Variants in GRIA1 observed in about 807,000 individuals in gnomAD.
The protein encoded by GRIA1 is glutamate ionotropic receptor AMPA type subunit 1.
A neutral mutation model predicts 99.2 loss-of-function variants in GRIA1; 31 were observed. The ratio of observed to expected loss-of-function variants is 0.31; its 90% CI spans 0.23 to 0.42. GRIA1 has a LOEUF of 0.42. GRIA1 is among the 10% of genes least tolerant of loss of function. The pLI is 1.00. For synonymous variants in GRIA1, 438 were observed against 432.4 expected, an observed-to-expected ratio of 1.01 and a Z score of -0.16; for missense variants, 782 against 1,157.5, an observed-to-expected ratio of 0.68 and a Z score of 4.71.
At chr5:153,667,738 C>T (rs983594440) in intron 5 of GRIA1, among the ~76,000 whole-genome samples, 10 of 152,082 alleles carry the variant, frequency 6.6e-5, no homozygotes, top group African/African-American at 1.2e-4. Context: ...TCCAATTGCA[C>T]GTGATAATTA....
rs1756922424 is a variant in GRIA1 at position 153,519,304 on chromosome 5, G to C, written c.220+25239G>C. On this transcript the variant is annotated intron_variant, in intron 2 of 15. Transcript: ENST00000285900. Reference sequence around the variant, plus strand: ...AAGAAATGCCAATTCGAGGGTCTCAGGCCGGACCTCCTGAATCAGAAACTT... The same window carrying C: ...AAGAAATGCCAATTCGAGGGTCTCACGCCGGACCTCCTGAATCAGAAACTT... 1.1e-4 allele frequency among the ~76,000 whole-genome samples: 17 copies of C among 152,046 alleles called. 1 individual carries two copies. In the South Asian group the frequency reaches 3.5e-3, roughly 32 times the overall value.
chr5:153,602,533 T>TAATAAAATAA (rs569066151), intron 2 of GRIA1, among the ~76,000 whole-genome samples: 35 of 141,342 alleles, frequency 2.5e-4, no homozygotes, highest in African/African-American at 8.9e-4. Context: ...AGTATAATAA[T>TAATAAAATAA]AATAAAATAA....
intron 2 of GRIA1, among the ~76,000 whole-genome samples, chr5:153,614,178 C>T (rs116134024): frequency 1.2e-3 from 190 of 152,310 alleles, no homozygotes; most frequent in African/African-American, 4.3e-3. Context: ...CACCCTTTCT[C>T]TTCTGACACT....
intron 5 of GRIA1, among the ~76,000 whole-genome samples, chr5:153,672,027 G>A (rs1480239497): frequency 1.3e-5 from 2 of 152,164 alleles, no homozygotes; most frequent in African/African-American, 2.4e-5. Flanking sequence ...AGTACAAGGG[G>A]CTTCTTGGGT....
chr5:153,566,830 C>T (rs1291675751), intron 2 of GRIA1, among the ~76,000 whole-genome samples: 1 of 150,622 alleles, frequency 6.6e-6, no homozygotes, highest in Admixed American at 6.6e-5. Flanking sequence ...GATTCTCCTG[C>T]CTCAGCCTCC....
At chr5:153,732,307 T>G (rs1761092333) in intron 11 of GRIA1, among the ~76,000 whole-genome samples, 1 of 152,122 alleles carries the variant, frequency 6.6e-6, no homozygotes, top group Admixed American at 6.6e-5. Context: ...TCACATTATT[T>G]GCTGTAATGG....
intron 2 of GRIA1, among the ~76,000 whole-genome samples, chr5:153,540,063 G>A (rs558333408): frequency 1.3e-5 from 2 of 152,356 alleles, no homozygotes; most frequent in African/African-American, 4.8e-5. Context: ...TAAGGTTGAA[G>A]GTAGAGATGG....
At chr5:153,626,720 T>G (rs1186773359) in intron 2 of GRIA1, among the ~76,000 whole-genome samples, 1 of 152,086 alleles carries the variant, frequency 6.6e-6, no homozygotes, top group African/African-American at 2.4e-5. Context: ...TGTAGCAAGA[T>G]GTATTATCAT....
intron 2 of GRIA1, among the ~76,000 whole-genome samples, chr5:153,529,929 C>G (rs1429241561): frequency 6.6e-6 from 1 of 152,130 alleles, no homozygotes; most frequent in African/African-American, 2.4e-5. Flanking sequence ...CCTTATTACC[C>G]TGTTCCCTCA....
At chr5:153,705,662 A>ATTTT (rs70978505) in intron 10 of GRIA1, 35 bp from the exon 11 acceptor site, 19,789 of 750,504 alleles carry the variant, frequency 0.026, 1,908 homozygotes, top group African/African-American at 0.042. Flanking sequence ...GCTCACCTGC[A>ATTTT]TTTTTTTTTT....
At chr5:153,527,631 A>C (rs181156478) in intron 2 of GRIA1, among the ~76,000 whole-genome samples, 82 of 152,322 alleles carry the variant, frequency 5.4e-4, no homozygotes, top group African/African-American at 1.9e-3. Context: ...GAACAAATAC[A>C]GAAGTCAAAT....
At chr5:153,578,976 T>C (rs1481473772) in intron 2 of GRIA1, among the ~76,000 whole-genome samples, 1 of 151,738 alleles carries the variant, frequency 6.6e-6, no homozygotes, top group Non-Finnish European at 1.5e-5. Flanking sequence ...CTCCCTTTTC[T>C]CTCCTGAAAA....
intron 2 of GRIA1, among the ~76,000 whole-genome samples, chr5:153,510,382 C>T: frequency 6.6e-6 from 1 of 152,052 alleles, no homozygotes; most frequent in Non-Finnish European, 1.5e-5. Flanking sequence ...AGCTTTCTTG[C>T]CTTAGTGAGA....
chr5:153,647,965 G>A (rs1281947194), intron 3 of GRIA1, among the ~76,000 whole-genome samples: 1 of 152,138 alleles, frequency 6.6e-6, no homozygotes. Context: ...CGTGATGTTT[G>A]TCTTGTACTG....
chr5:153,510,444 A>G (rs1240274769), intron 2 of GRIA1, among the ~76,000 whole-genome samples: 1 of 152,206 alleles, frequency 6.6e-6, no homozygotes, highest in Non-Finnish European at 1.5e-5. Context: ...TATCCTGTAA[A>G]TCCAGCGGGC....
chr5:153,515,948 T>A (rs55935294), intron 2 of GRIA1, among the ~76,000 whole-genome samples: 3 of 151,792 alleles, frequency 2.0e-5, no homozygotes, highest in African/African-American at 7.3e-5. Flanking sequence ...AGGCTGGGAG[T>A]GGTGGCTCAC....
At chr5:153,726,440 A>G (rs1561804853) in intron 11 of GRIA1, among the ~76,000 whole-genome samples, 4 of 149,180 alleles carry the variant, frequency 2.7e-5, no homozygotes, top group African/African-American at 7.5e-5. Context: ...CAAAAAATTA[A>G]TGAATCCAGG....
chr5:153,642,294 T>A (rs1753827022), intron 2 of GRIA1, among the ~76,000 whole-genome samples: 1 of 152,204 alleles, frequency 6.6e-6, no homozygotes, highest in Non-Finnish European at 1.5e-5. Flanking sequence ...TCAACTTGCC[T>A]TGTGCTGTTT....
At chr5:153,595,329 C>G (rs1271215997) in intron 2 of GRIA1, among the ~76,000 whole-genome samples, 1 of 152,178 alleles carries the variant, frequency 6.6e-6, no homozygotes, top group Non-Finnish European at 1.5e-5. Context: ...CTCCATTTTT[C>G]TCCCCTATGA....
Sources: allele counts gnomAD v4.1 joint callset (sites outside exome capture counted in the v4.1 genomes callset), GRCh38; gene constraint gnomAD v4.1.1; transcripts MANE v1.5; gene names NCBI Gene and HGNC (gene_info 2026-07-23, HGNC 2026-07-21).